The following LAIR2 variants were observed in gnomAD, a reference collection of about 807,000 sequenced individuals.
LAIR2 encodes leukocyte-associated immunoglobulin-like receptor 2.
LAIR2 carries 14 observed loss-of-function variants against 14.8 expected under a neutral mutation model. That is an observed-to-expected ratio of 0.95 (90% CI 0.62 to 1.48). The LOEUF is 1.48. Among genes scored for constraint, LAIR2 ranks in the 40% most tolerant of loss-of-function variants. The probability of loss-of-function intolerance (pLI) is 0.00; values close to 1 mark genes in which losing one functional copy is unlikely to be tolerated. For synonymous variants in LAIR2, 75 were observed against 74.5 expected (o/e 1.01, Z -0.03); for missense variants, 172 against 180.9 (o/e 0.95, Z 0.28).
intron 2 of LAIR2, among the ~76,000 whole-genome samples, chr19:54,505,923 G>A (rs1410867500): frequency 6.6e-6 from 1 of 151,340 alleles, no homozygotes; most frequent in Non-Finnish European, 1.5e-5. Context: ...CCTGGTTGAA[G>A]CAATTCTCCC....
Position 54,508,073 on chromosome 19 carries a change from A to G in LAIR2, c.253A>G (p.Arg85Gly), listed in dbSNP as rs773795389. Residue 85 changes from arginine (R) to glycine (G), a missense_variant, in exon 3 of 5, where the codon AGA becomes GGA. By Grantham distance (125) the Arg-to-Gly change is moderately radical. Around this residue, in one of 2 missense-constraint regions of LAIR2, gnomAD observed 161 missense variants for 149.0 expected, o/e 1.08. Coordinates refer to ENST00000301202, the MANE Select transcript of LAIR2 (RefSeq NM_002288.6). ...FRLGPSESEA[R>G]FHIDSVSEGN... Reference sequence around the variant, plus strand: ...ACTTGGTCCATCTGAGTCAGAGGCCAGATTCCACATTGACTCAGTAAGTGA... The same window carrying G: ...ACTTGGTCCATCTGAGTCAGAGGCCGGATTCCACATTGACTCAGTAAGTGA... The G allele has an allele frequency of 6.2e-7, 1 of 1,614,216 alleles. No homozygotes were observed. The highest frequency in any genetic ancestry group is 1.1e-5 in the South Asian group (1 of 91,088).
Position 54,508,190 on chromosome 19 carries a change from G to T in LAIR2, c.364+6G>T, listed in dbSNP as rs2085403392. The T allele has an allele frequency of 1.2e-6, 2 of 1,605,682 alleles. No homozygotes were observed. Among genetic ancestry groups the T allele is most frequent in the Non-Finnish European group, 1.7e-6 (2 of 1,175,814 alleles). On this transcript the variant is annotated splice_donor_region_variant and intron_variant, in intron 3 of 4. Transcript: ENST00000301202. The stretch of plus-strand genomic sequence containing the variant: ...CCTGGAGCTGCTGGTGAAAGGTGAG[G>T]ACGTCACCTGGGCCCTGCCCCAGTC...
intron 2 of LAIR2, among the ~76,000 whole-genome samples, chr19:54,504,108 C>A (rs2085322654): frequency 6.9e-6 from 1 of 145,078 alleles, no homozygotes; most frequent in Admixed American, 7.1e-5. Flanking sequence ...AGGCACCCAC[C>A]ACCACCCCTG....
chr19:54,506,627 G>C (rs978674061), intron 2 of LAIR2, among the ~76,000 whole-genome samples: 4 of 152,166 alleles, frequency 2.6e-5, no homozygotes, highest in Non-Finnish European at 4.4e-5. Context: ...ACAATTCTTC[G>C]ATCAATATCT....
At chr19:54,503,797 T>G (rs2085318575) in intron 2 of LAIR2, 62 bp downstream of exon 2, 1 of 1,609,674 alleles carries the variant, frequency 6.2e-7, no homozygotes, top group Non-Finnish European at 8.5e-7. Context: ...CAGTGCTGGG[T>G]GGGAGTGATG....
Position 54,502,847 on chromosome 19 carries a change from C to G in LAIR2, c.-72C>G, listed in dbSNP as rs2085297632. The G allele has an allele frequency of 1.3e-6, 2 of 1,596,372 alleles. No individual in the cohort carries two copies. The highest frequency in any genetic ancestry group is 1.7e-6 in the Non-Finnish European group (2 of 1,164,004). ...GTGTGAGGCAGTTGCTGTGGAAGCC[C>G]CACGGGCAGGAGGCCCCCGGCCAGC... On this transcript the variant is annotated 5_prime_UTR_variant, in exon 1 of 5. Transcript: ENST00000301202.
rs755288406 is a variant in LAIR2 at position 54,508,147 on chromosome 19, G to C, written c.327G>C (p.Trp109Cys). 5 of 1,613,684 alleles carry C rather than the reference G, an allele frequency of 3.1e-6. No homozygotes were observed. Among genetic ancestry groups the C allele is most frequent in the Non-Finnish European group, 3.4e-6 (4 of 1,179,996 alleles). Residue 109 changes from tryptophan to cysteine, a missense_variant, in exon 3 of 5, where the codon TGG becomes TGC. Trp to Cys is a radical substitution (Grantham distance 215). Transcript: ENST00000301202. Reference protein sequence around the residue: ...YRCLYYKPPGWSEHSDFLELL... With the variant: ...YRCLYYKPPGCSEHSDFLELL... ...GCCTCTATTATAAGCCCCCTGGATG[G>C]TCTGAGCACAGTGACTTCCTGGAGC... is the stretch of plus-strand genomic sequence containing the variant.
At position 54,503,047 on chromosome 19, in the gene LAIR2, G is replaced by T. The variant is rs372612090; in HGVS notation, c.34+95G>T. 3.4e-4 allele frequency: 409 copies of T among 1,213,228 alleles called. 1 individual carries two copies. The African/African-American group carries it at 5.2e-3, about 15-fold the overall frequency. 75.2% of individuals were successfully genotyped at this position (1,213,228 alleles called of 1,614,324 possible). ...CTGACTCTAGTCCAGAAGATTCTGGGGAGGAAAGTGTCCTCCTCCCCCCAA... is the reference window on the plus strand; with the variant it reads ...CTGACTCTAGTCCAGAAGATTCTGGTGAGGAAAGTGTCCTCCTCCCCCCAA... On this transcript the variant is annotated intron_variant, in intron 1 of 4. Coordinates refer to ENST00000301202, the MANE Select transcript of LAIR2 (RefSeq NM_002288.6).
At chr19:54,503,057 G>A in intron 1 of LAIR2, 105 bp downstream of exon 1, 1 of 1,092,520 alleles carries the variant, frequency 9.2e-7, no homozygotes, top group Non-Finnish European at 1.4e-6. Flanking sequence ...GGAGGAAAGT[G>A]TCCTCCTCCC....
rs528942233 is a variant in LAIR2, at chr19:54,507,952, T to C, written c.132T>C (p.His44=). 6.2e-6 allele frequency: 10 copies of C among 1,613,996 alleles called. No homozygotes were observed. Among genetic ancestry groups the C allele is most frequent in the Admixed American group, 3.3e-5 (2 of 60,002 alleles). The change falls in exon 3 of 5, where the codon CAT becomes CAC. Residue 44 remains histidine, a synonymous_variant. Transcript: ENST00000301202. The part of the protein sequence containing the change: ...EPGTVISPGS[H]VTFMCRGPVG... ...GCACTGTGATCTCCCCGGGGAGCCA[T>C]GTGACTTTCATGTGCCGGGGCCCGG...
At chr19:54,504,196 C>A (rs57328593) in intron 2 of LAIR2, among the ~76,000 whole-genome samples, 3,087 of 151,530 alleles carry the variant, frequency 0.02, 113 homozygotes, top group African/African-American at 0.069. Context: ...GAACTCCTTA[C>A]CTTATGATCC....
intron 2 of LAIR2, among the ~76,000 whole-genome samples, chr19:54,506,111 C>T (rs2085359269): frequency 6.6e-6 from 1 of 152,122 alleles, no homozygotes; most frequent in South Asian, 2.1e-4. Flanking sequence ...AGGTGTGAGA[C>T]ACCGCGCCTG....
At chr19:54,509,789 CTG>C (rs1197611934) in intron 4 of LAIR2, among the ~76,000 whole-genome samples, 9 of 151,690 alleles carry the variant, frequency 5.9e-5, no homozygotes, top group African/African-American at 9.7e-5. Flanking sequence ...CCCCTGGACT[CTG>C]TGTGATGGGA....
chr19:54,503,085 G>A (rs1022058144), intron 1 of LAIR2, 133 bp downstream of exon 1: 1 of 835,104 alleles, frequency 1.2e-6, no homozygotes, highest in African/African-American at 1.7e-5. Context: ...CTGCCCTACT[G>A]CTCTCCCTGG....
Position 54,502,914 on chromosome 19 carries a change from G to C in LAIR2, c.-5G>C, listed in dbSNP as rs1198746778. 1 of 1,614,120 alleles carries C rather than the reference G, an allele frequency of 6.2e-7. No homozygotes were observed. Among genetic ancestry groups the C allele is most frequent in the Non-Finnish European group, 8.5e-7 (1 of 1,179,964 alleles). On this transcript the variant is annotated 5_prime_UTR_variant, in exon 1 of 5. Coordinates refer to ENST00000301202, the MANE Select transcript of LAIR2 (RefSeq NM_002288.6). ...TGTCTGCTGCAGAGTTCTGGGACCGGGGCCATGTCTCCACACCTCACTGCT... is the reference window on the plus strand; with the variant it reads ...TGTCTGCTGCAGAGTTCTGGGACCGCGGCCATGTCTCCACACCTCACTGCT...
intron 2 of LAIR2, among the ~76,000 whole-genome samples, chr19:54,504,092 G>A (rs1324364243): frequency 6.6e-6 from 1 of 150,998 alleles, no homozygotes; most frequent in Non-Finnish European, 1.5e-5. Context: ...GAGTAGCTGG[G>A]ATTACAGGCA....
Position 54,510,652 on chromosome 19 carries a change from T to C in LAIR2, c.*83T>C, listed in dbSNP as rs1311315442. ...AGCAATAGAAATGCACAGATGCCTATACATACATATACAAATAAAAAGATA... is the reference window on the plus strand; with the variant it reads ...AGCAATAGAAATGCACAGATGCCTACACATACATATACAAATAAAAAGATA... On this transcript the variant is annotated 3_prime_UTR_variant, in exon 5 of 5. Transcript: ENST00000301202. 1.3e-5 allele frequency: 19 copies of C among 1,449,910 alleles called. No homozygotes were observed. The African/African-American group carries it at 1.5e-4, about 12-fold the overall frequency. The allele number at this position is 1,449,910 out of a possible 1,614,324, so 89.8% of individuals were successfully genotyped here. A position where few individuals can be genotyped will look rare whatever the true frequency, so the allele number is the denominator to read the frequency against.
intron 2 of LAIR2, among the ~76,000 whole-genome samples, chr19:54,505,156 T>A (rs1436219784): frequency 6.6e-6 from 1 of 152,176 alleles, no homozygotes; most frequent in Non-Finnish European, 1.5e-5. Flanking sequence ...GCGGTCACCC[T>A]GGGAGTGCAG....
rs1461959396 is a variant in LAIR2, at chr19:54,503,117, A to G, written c.34+165A>G. Among the ~76,000 whole-genome samples, 18 of 152,238 alleles carry G rather than the reference A, an allele frequency of 1.2e-4. No homozygotes were observed. In the Middle Eastern group the frequency reaches 0.01, roughly 86 times the overall value. ...CTGGGGCCTAAGTCTGATCAGAGAC[A>G]ACCTTGTCCTAAAAACAGGGGCCCG... On this transcript the variant is annotated intron_variant, in intron 1 of 4. Transcript: ENST00000301202.
Sources: allele counts gnomAD v4.1 joint callset (sites outside exome capture counted in the v4.1 genomes callset), GRCh38; gene constraint gnomAD v4.1.1; regional missense constraint gnomAD v4.1.1; transcripts MANE v1.5; gene names NCBI Gene and HGNC (gene_info 2026-07-23, HGNC 2026-07-21).